The following DLG4 variants were observed in gnomAD, a reference collection of about 807,000 sequenced individuals.
DLG4 encodes disks large homolog 4.
Under a neutral mutation model 93.8 loss-of-function variants are expected in DLG4, and 7 were observed. That is an observed-to-expected ratio of 0.07 (90% CI 0.04 to 0.14). The LOEUF is 0.14. Ranked by LOEUF, DLG4 falls within the 10% of genes least tolerant of loss-of-function variation. The probability of loss-of-function intolerance (pLI) is 1.00; values close to 1 mark genes in which losing one functional copy is unlikely to be tolerated. For synonymous variants in DLG4, 341 were observed against 387.6 expected, an observed-to-expected ratio of 0.88 and a Z score of 1.41; for missense variants, 545 against 992.9, an observed-to-expected ratio of 0.55 and a Z score of 6.06.
At position 7,194,199 on chromosome 17, in the gene DLG4, C is replaced by T. The variant is rs1018929092; in HGVS notation, c.1478+120G>A. 1.5e-5 allele frequency: 21 copies of T among 1,406,234 alleles called. No individual in the cohort carries two copies. The African/African-American group carries it at 2.1e-4, about 14-fold the overall frequency. The allele number at this position is 1,406,234 out of a possible 1,614,324, so 87.1% of individuals were successfully genotyped here. ...GGGAGCCACGGACCCCAGGAGGGCCCAACAGACAAACCCCTAGGAGTTCAG... is the reference window on the plus strand; with the variant it reads ...GGGAGCCACGGACCCCAGGAGGGCCTAACAGACAAACCCCTAGGAGTTCAG... On this transcript the variant is annotated intron_variant, in intron 12 of 19. Coordinates refer to ENST00000399506, the MANE Select transcript of DLG4 (RefSeq NM_001321075.3). The surrounding 1 kb of genome is among the most constrained non-coding windows in gnomAD (Gnocchi z 4.4).
intron 8 of DLG4, among the ~76,000 whole-genome samples, chr17:7,198,236 C>T (rs2069905375): frequency 6.6e-6 from 1 of 152,210 alleles, no homozygotes; most frequent in Admixed American, 6.5e-5. Context: ...GTAATCCCAG[C>T]ACTGTGGAGG....
intron 2 of DLG4, 68 bp from the exon 3 acceptor site, chr17:7,204,320 G>A: frequency 6.8e-7 from 1 of 1,460,472 alleles, no homozygotes; most frequent in Non-Finnish European, 9.2e-7. Flanking sequence ...ATAACGGAGG[G>A]TCCCATCAGC....
At chr17:7,192,164 A>T (rs977479028) in intron 17 of DLG4, 162 bp from the exon 18 acceptor site, 13 of 480,916 alleles carry the variant, frequency 2.7e-5, no homozygotes, top group Admixed American at 1.1e-4. Flanking sequence ...TCAGGCAGGA[A>T]GCGGGTATGG....
upstream of DLG4, chr17:7,218,331 G>A: frequency 6.4e-7 from 1 of 1,567,584 alleles, no homozygotes; most frequent in Non-Finnish European, 8.7e-7. Context: ...GCCTCTCCAG[G>A]CACATCACCC....
In DLG4 at chr17:7,203,618, G is replaced by A. The variant is rs537153277; in HGVS notation, c.336-25C>T. 6.2e-7 allele frequency: 1 copy of A among 1,609,230 alleles called. No individual in the cohort carries two copies. The highest frequency in any genetic ancestry group is 8.5e-7 in the Non-Finnish European group (1 of 1,175,978). On this transcript the variant is annotated intron_variant, in intron 5 of 19. Transcript: ENST00000399506. This position sits in a 1 kb window ranked among gnomAD's most constrained non-coding sequence, Gnocchi z 7.2. The stretch of plus-strand genomic sequence containing the variant: ...CCTGGGAGCAGCAAGGTGGGCCTGA[G>A]CCAAGAGCTTCCTGCTGCCCTGGCC...
chr17:7,217,959 G>T (rs2071012126), upstream of DLG4: 1 of 824,600 alleles, frequency 1.2e-6, no homozygotes, highest in Non-Finnish European at 1.9e-6. Context: ...CAATCCCTGG[G>T]GGCCTAGTTC....
chr17:7,194,513 A>G lies in DLG4; in HGVS notation c.1302-18T>C, dbSNP rs1305036855. On this transcript the variant is annotated intron_variant, in intron 11 of 19. Coordinates refer to ENST00000399506, the MANE Select transcript of DLG4 (RefSeq NM_001321075.3). The surrounding 1 kb of genome is among the most constrained non-coding windows in gnomAD (Gnocchi z 4.4). ...ACAGGGCCCTGGAGGGCAAGTGGCT[A>G]TCGGTCAGAGCCCAGCTGAGGACTC... 2.5e-6 allele frequency: 4 copies of G among 1,590,978 alleles called. No individual in the cohort carries two copies. The highest frequency in any genetic ancestry group is 1.8e-5 in the Admixed American group (1 of 56,474).
At chr17:7,202,602 T>C (rs1597468801) in intron 8 of DLG4, 1 of 481,588 alleles carries the variant, frequency 2.1e-6, no homozygotes, top group Non-Finnish European at 3.7e-6. Flanking sequence ...GTGAAATCTT[T>C]TATCTTTTCC....
Position 7,208,331 on chromosome 17 carries a change from T to C in DLG4, c.31-92A>G. 2 of 1,182,936 alleles carry C rather than the reference T, an allele frequency of 1.7e-6. No individual in the cohort carries two copies. The highest frequency in any genetic ancestry group is 2.9e-5 in the East Asian group (1 of 34,966). 73.3% of individuals were successfully genotyped at this position (1,182,936 alleles called of 1,614,324 possible). ...GGCCGCCGCCTCTTCCCCCAGCCAG[T>C]GCAGTGCGGAAGGCCCTGGGGCCTG... On this transcript the variant is annotated intron_variant, in intron 1 of 19. Transcript: ENST00000399506. This position sits in a 1 kb window ranked among gnomAD's most constrained non-coding sequence, Gnocchi z 5.4.
chr17:7,216,137 A>C (rs2070903771), intron 1 of DLG4, among the ~76,000 whole-genome samples: 1 of 151,404 alleles, frequency 6.6e-6, no homozygotes, highest in Non-Finnish European at 1.5e-5. Context: ...AACCTCAGTA[A>C]CTTCGGTCAT....
chr17:7,200,841 G>A (rs1024572710), intron 8 of DLG4, among the ~76,000 whole-genome samples: 1 of 136,876 alleles, frequency 7.3e-6, no homozygotes, highest in Admixed American at 7.6e-5. Context: ...CCACCGGCGC[G>A]CCCAGCCTGT....
At position 7,203,647 on chromosome 17, in the gene DLG4, C is replaced by T; in HGVS notation, c.335+45G>A. The T allele has an allele frequency of 2.5e-6, 4 of 1,611,130 alleles. No individual in the cohort carries two copies. Among genetic ancestry groups the T allele is most frequent in the South Asian group, 1.1e-5 (1 of 91,004 alleles). The stretch of plus-strand genomic sequence containing the variant: ...AGAGCTTCCTGCTGCCCTGGCCCTC[C>T]CTCTCCAGGGACCAAGCAACCTAAC... On this transcript the variant is annotated intron_variant, in intron 5 of 19. Coordinates refer to ENST00000399506, the MANE Select transcript of DLG4 (RefSeq NM_001321075.3). This position sits in a 1 kb window ranked among gnomAD's most constrained non-coding sequence, Gnocchi z 7.2.
At chr17:7,212,161 CAAG>C (rs1263744602) in intron 1 of DLG4, among the ~76,000 whole-genome samples, 1 of 140,498 alleles carries the variant, frequency 7.1e-6, no homozygotes, top group Non-Finnish European at 1.6e-5. Flanking sequence ...ACTTCTCTCA[CAAG>C]AACCCCCAAG....
At position 7,195,524 on chromosome 17, in the gene DLG4, G is replaced by A. The variant is rs1185581440; in HGVS notation, c.1301+696C>T. The stretch of plus-strand genomic sequence containing the variant: ...GGATGATGAGCTCAGCGTGGGACAT[G>A]TTGAGTGTGGGACGCCTGTGGGACA... On this transcript the variant is annotated intron_variant, in intron 11 of 19. Transcript: ENST00000399506. This position sits in a 1 kb window ranked among gnomAD's most constrained non-coding sequence, Gnocchi z 4.3. Among the ~76,000 whole-genome samples, 3 of 152,216 alleles carry A rather than the reference G, an allele frequency of 2.0e-5. No homozygotes were observed. The highest frequency in any genetic ancestry group is 7.2e-5 in the African/African-American group (3 of 41,442).
In DLG4 at chr17:7,194,240, CCT is replaced by C. The variant is rs1440464451; in HGVS notation, c.1478+77_1478+78del. 2.6e-6 allele frequency: 4 copies of C among 1,515,982 alleles called. No individual in the cohort carries two copies. The highest frequency in any genetic ancestry group is 1.4e-5 in the African/African-American group (1 of 72,514). 93.9% of individuals were successfully genotyped at this position (1,515,982 alleles called of 1,614,324 possible). A position where few individuals can be genotyped will look rare whatever the true frequency, so the allele number is the denominator to read the frequency against. ...AGGAGTTCAGAGGGCAAACCCATCC[CCT>C]GTTGGCTGCCCACCCCGGGGGACCT... On this transcript the variant is annotated intron_variant, in intron 12 of 19. Coordinates refer to ENST00000399506, the MANE Select transcript of DLG4 (RefSeq NM_001321075.3). The surrounding 1 kb of genome is among the most constrained non-coding windows in gnomAD (Gnocchi z 4.4).
rs1236500951 is a variant in DLG4 at position 7,195,844 on chromosome 17, A to G, written c.1301+376T>C. ...GGCAGGCACCACAGAGCTGCGGCCCACGTCTCCGGGACTGCCCACAGGGAC... is the reference window on the plus strand; with the variant it reads ...GGCAGGCACCACAGAGCTGCGGCCCGCGTCTCCGGGACTGCCCACAGGGAC... On this transcript the variant is annotated intron_variant, in intron 11 of 19. Transcript: ENST00000399506. The surrounding 1 kb of genome is among the most constrained non-coding windows in gnomAD (Gnocchi z 4.3). Among the ~76,000 whole-genome samples, 2 of 152,182 alleles carry G rather than the reference A, an allele frequency of 1.3e-5. No individual in the cohort carries two copies. Among genetic ancestry groups the G allele is most frequent in the Non-Finnish European group, 2.9e-5 (2 of 68,030 alleles).
In DLG4 at chr17:7,197,074, T is replaced by C. The variant is rs751006328; in HGVS notation, c.788-22A>G. 4 of 1,577,610 alleles carry C rather than the reference T, an allele frequency of 2.5e-6. No individual in the cohort carries two copies. In the African/African-American group the frequency reaches 5.4e-5, roughly 21 times the overall value. ...TAAGCTGAGGAAGACAGGGCAGAGA[T>C]GAAAGTGCCTGGAGGGAAACAGCAC... On this transcript the variant is annotated intron_variant, in intron 8 of 19. Transcript: ENST00000399506.
Position 7,202,937 on chromosome 17 carries a change from C to A in DLG4, c.753G>T (p.Leu251=). Residue 251 remains leucine (L), a synonymous_variant, in exon 8 of 20, where the codon CTG becomes CTT. Transcript: ENST00000399506. ...TGTCTGGGGGAGCATAGCTGTCACT[C>A]AGGTAGGCATTGCTGGGCTTGGCCA... The part of the protein sequence containing the change: ...LKVAKPSNAY[L]SDSYAPPDIT... The A allele has an allele frequency of 6.2e-7, 1 of 1,614,048 alleles. No individual in the cohort carries two copies. Among genetic ancestry groups the A allele is most frequent in the Non-Finnish European group, 8.5e-7 (1 of 1,179,890 alleles).
intron 2 of DLG4, chr17:7,207,935 A>G: frequency 4.2e-6 from 2 of 477,968 alleles, no homozygotes; most frequent in Non-Finnish European, 6.2e-6. Context: ...AGACCCCAGG[A>G]GCCCAAGCCC....
Sources: allele counts gnomAD v4.1 joint callset (sites outside exome capture counted in the v4.1 genomes callset), GRCh38; gene constraint gnomAD v4.1.1; non-coding constraint Gnocchi (gnomAD v3.1); transcripts MANE v1.5; gene names NCBI Gene and HGNC (gene_info 2026-07-23, HGNC 2026-07-21).